The following ITGAX variants were observed in gnomAD, a reference collection of about 807,000 sequenced individuals.
ITGAX encodes integrin alpha-X.
A neutral mutation model predicts 140.2 loss-of-function variants in ITGAX; 99 were observed. The observed-to-expected ratio is 0.71, with a 90% confidence interval of 0.60 to 0.83. The LOEUF is 0.83. ITGAX is among the 40% of genes least tolerant of loss of function. The pLI is 0.00. For synonymous variants in ITGAX, 631 were observed against 600.4 expected (o/e 1.05, Z -0.75); for missense variants, 1,444 against 1,482.0 (o/e 0.97, Z 0.42).
intron 26 of ITGAX, 36 bp downstream of exon 26, chr16:31,380,101 C>T (rs771710792): frequency 1.3e-6 from 2 of 1,592,702 alleles, no homozygotes; most frequent in South Asian, 2.2e-5. Flanking sequence ...CACTGTAGGC[C>T]CCACATCAGA....
chr16:31,371,516 A>C lies in ITGAX; in HGVS notation c.2005+19A>C, dbSNP rs750251477. 4 of 1,612,428 alleles carry C rather than the reference A, an allele frequency of 2.5e-6. No homozygotes were observed. Among genetic ancestry groups the C allele is most frequent in the Non-Finnish European group, 3.4e-6 (4 of 1,178,864 alleles). ...GGGAGCCGTGAGTCCCCTCCCCTCC[A>C]ACCCAGGACACCCTGACCTCTGGAG... On this transcript the variant is annotated intron_variant, in intron 16 of 29. Coordinates refer to ENST00000268296, the MANE Select transcript of ITGAX (RefSeq NM_000887.5).
intron 17 of ITGAX, 58 bp downstream of exon 17, chr16:31,371,842 A>G: frequency 6.3e-7 from 1 of 1,586,936 alleles, no homozygotes; most frequent in East Asian, 2.2e-5. Context: ...AAGGCAGGGC[A>G]GGGAGAGAAC....
At chr16:31,379,906 C>G (rs1224207559) in intron 25 of ITGAX, 42 bp downstream of exon 25, 2 of 1,608,998 alleles carry the variant, frequency 1.2e-6, no homozygotes, top group South Asian at 2.2e-5. Context: ...AATGCCCTTT[C>G]TACCTGGATT....
Position 31,371,355 on chromosome 16 carries a change from G to T in ITGAX, c.1863G>T (p.Val621=), listed in dbSNP as rs957994501. 1.9e-6 allele frequency: 3 copies of T among 1,614,042 alleles called. No homozygotes were observed. Among genetic ancestry groups the T allele is most frequent in the East Asian group, 2.2e-5 (1 of 44,894 alleles). Residue 621 remains valine, a synonymous_variant, in exon 16 of 30, where the codon GTG becomes GTT. Coordinates refer to ENST00000268296, the MANE Select transcript of ITGAX (RefSeq NM_000887.5). ...GCAGGACCAGACCTGTGCTCTGGGT[G>T]GGGGTGAGCATGCAGTTCATACCTG... The part of the protein sequence containing the change: ...LLLRTRPVLW[V]GVSMQFIPAE...
chr16:31,368,007 G>T (rs2080908673), intron 14 of ITGAX, among the ~76,000 whole-genome samples: 1 of 152,166 alleles, frequency 6.6e-6, no homozygotes, highest in Admixed American at 6.5e-5. Flanking sequence ...GACTTTGAGT[G>T]GCTCAAGGCT....
At chr16:31,379,950 C>T (rs2081053070) in intron 25 of ITGAX, 32 bp from the exon 26 acceptor site, 1 of 1,610,684 alleles carries the variant, frequency 6.2e-7, no homozygotes, top group African/African-American at 1.3e-5. Flanking sequence ...GATGTCCCAG[C>T]TGAGACACTT....
At position 31,379,856 on chromosome 16, in the gene ITGAX, C is replaced by A. The variant is rs372142808; in HGVS notation, c.2968C>A (p.His990Asn). The stretch of plus-strand genomic sequence containing the variant: ...TGTGTGGATGGATGTGGAGGTCTCC[C>A]ACCCCCAGGTACCCAAGGACTGCAT... Reference protein sequence around the residue: ...EAVWMDVEVSHPQNPSLRCSS... With the variant: ...EAVWMDVEVSNPQNPSLRCSS... The change falls in exon 25 of 30, where the codon CAC becomes AAC. Residue 990 changes from histidine to asparagine, a missense_variant. By Grantham distance (68) the His-to-Asn change is moderately conservative (BLOSUM62 1). Coordinates refer to ENST00000268296, the MANE Select transcript of ITGAX (RefSeq NM_000887.5). The A allele has an allele frequency of 1.2e-6, 2 of 1,613,922 alleles. No homozygotes were observed. The highest frequency in any genetic ancestry group is 4.5e-5 in the East Asian group (2 of 44,872).
rs776881466 is a variant in ITGAX at position 31,371,626 on chromosome 16, A to G, written c.2006-4A>G. 1.9e-6 allele frequency: 3 copies of G among 1,613,826 alleles called. No individual in the cohort carries two copies. In the Admixed American group the frequency reaches 5.0e-5, roughly 27 times the overall value. ...CTCAACGCCGTCCCTGCGACCGCCTACAGGTGACCTCCAAAGCTCTGTGAC... is the reference window on the plus strand; with the variant it reads ...CTCAACGCCGTCCCTGCGACCGCCTGCAGGTGACCTCCAAAGCTCTGTGAC... On this transcript the variant is annotated splice_polypyrimidine_tract_variant and splice_region_variant and intron_variant, in intron 16 of 29. Transcript: ENST00000268296.
chr16:31,380,936 AC>A lies in ITGAX; in HGVS notation c.3322del (p.Leu1108SerfsTer3), dbSNP rs1430644110. ...GGAGAAGTACAAGGTCCACAACCCC[AC>A]CCCCCTCATCGTAGGCAGCTCCATT... ...VLEKYKVHNP[T>X]PLIVGSSIGG... On this transcript the variant is annotated frameshift_variant, in exon 29 of 30. Coordinates refer to ENST00000268296, the MANE Select transcript of ITGAX (RefSeq NM_000887.5). LOFTEE classifies it high-confidence loss of function. 1.2e-6 allele frequency: 2 copies of A among 1,613,648 alleles called. No homozygotes were observed. Among genetic ancestry groups the A allele is most frequent in the South Asian group, 1.1e-5 (1 of 91,054 alleles).
At chr16:31,355,781 C>T in intron 1 of ITGAX, 112 bp from the exon 2 acceptor site, 4 of 782,666 alleles carry the variant, frequency 5.1e-6, no homozygotes, top group Non-Finnish European at 2.2e-6. Context: ...AAGACCCAGG[C>T]ACCCCGGGCA....
rs983756313 is a variant in ITGAX, at chr16:31,356,781, T to C, written c.247+53T>C. On this transcript the variant is annotated intron_variant, in intron 3 of 29. Transcript: ENST00000268296. ...GGGCCGGGCTCCCAGGCTTCCCTGC[T>C]CCAGGGGCCCGTGGACTCACCGGAG... 9.8e-6 allele frequency: 13 copies of C among 1,331,566 alleles called. No individual in the cohort carries two copies. The African/African-American group carries it at 1.7e-4, about 18-fold the overall frequency. 82.5% of individuals were successfully genotyped at this position (1,331,566 alleles called of 1,614,324 possible). A position where few individuals can be genotyped will look rare whatever the true frequency, so the allele number is the denominator to read the frequency against.
chr16:31,376,335 C>T (rs1466820324), intron 20 of ITGAX, among the ~76,000 whole-genome samples: 1 of 152,136 alleles, frequency 6.6e-6, no homozygotes, highest in Non-Finnish European at 1.5e-5. Flanking sequence ...AAAAACGTAA[C>T]CTTGGCTGGA....
chr16:31,360,881 C>A, intron 8 of ITGAX, 182 bp from the exon 9 acceptor site: 1 of 600,720 alleles, frequency 1.7e-6, no homozygotes, highest in East Asian at 2.9e-5. Flanking sequence ...AAACTCTGCC[C>A]CAGACTGGAG....
At chr16:31,369,327 C>T (rs2142509336) in intron 14 of ITGAX, among the ~76,000 whole-genome samples, 1 of 151,656 alleles carries the variant, frequency 6.6e-6, no homozygotes, top group East Asian at 2.0e-4. Flanking sequence ...GGGCAGCTGG[C>T]CGGGCAGAGG....
At chr16:31,358,676 G>A (rs2080788021) in intron 5 of ITGAX, among the ~76,000 whole-genome samples, 1 of 151,716 alleles carries the variant, frequency 6.6e-6, no homozygotes, top group Non-Finnish European at 1.5e-5. Flanking sequence ...AGGGACTGGT[G>A]CCAGTTTGTG....
At chr16:31,381,685 T>C (rs2081069894) in intron 29 of ITGAX, 118 bp from the exon 30 acceptor site, 4 of 713,702 alleles carry the variant, frequency 5.6e-6, no homozygotes. Flanking sequence ...AAGTTCCTAG[T>C]GCAGTGCTTT....
Position 31,372,671 on chromosome 16 carries a change from G to A in ITGAX, c.2366+1G>A. On this transcript the variant is annotated splice_donor_variant, in intron 19 of 29. Transcript: ENST00000268296. LOFTEE classifies it high-confidence loss of function. ...TCGGCATCTCCTTCAGCTTCCCAGG[G>A]TGAGCGCCCCCACCTTAGACCTGCC... 4 of 1,613,746 alleles carry A rather than the reference G, an allele frequency of 2.5e-6. No homozygotes were observed. Among genetic ancestry groups the A allele is most frequent in the Non-Finnish European group, 2.5e-6 (3 of 1,179,792 alleles).
chr16:31,372,685 C>A lies in ITGAX; in HGVS notation c.2366+15C>A. 6.2e-7 allele frequency: 1 copy of A among 1,611,564 alleles called. No individual in the cohort carries two copies. The highest frequency in any genetic ancestry group is 8.5e-7 in the Non-Finnish European group (1 of 1,178,136). On this transcript the variant is annotated intron_variant, in intron 19 of 29. Coordinates refer to ENST00000268296, the MANE Select transcript of ITGAX (RefSeq NM_000887.5). ...AGCTTCCCAGGGTGAGCGCCCCCACCTTAGACCTGCCCTACTGCCCCAGCC... is the reference window on the plus strand; with the variant it reads ...AGCTTCCCAGGGTGAGCGCCCCCACATTAGACCTGCCCTACTGCCCCAGCC...
intron 20 of ITGAX, among the ~76,000 whole-genome samples, chr16:31,375,605 G>C (rs1054219915): frequency 1.3e-5 from 2 of 152,120 alleles, no homozygotes; most frequent in Non-Finnish European, 2.9e-5. Flanking sequence ...TGATTCCTTG[G>C]TATTAAGATC....
Sources: gnomAD v4.1 joint callset for allele counts (sites outside exome capture counted in the v4.1 genomes callset) on GRCh38, gnomAD v4.1.1 for gene constraint, MANE v1.5 for transcripts, NCBI Gene and HGNC (gene_info 2026-07-23, HGNC 2026-07-21) for gene names.